The following VCP variants were observed in gnomAD, a reference collection of about 807,000 sequenced individuals.
The protein encoded by VCP is transitional endoplasmic reticulum ATPase.
A neutral mutation model predicts 85.7 loss-of-function variants in VCP; 6 were observed. The observed-to-expected ratio is 0.07, with a 90% CI of 0.04 to 0.14. The LOEUF (loss-of-function observed/expected upper bound fraction) is 0.14, where lower values mean the gene tolerates loss of function less well. Ranked by LOEUF, VCP falls within the 10% of genes least tolerant of loss-of-function variation. The pLI is 1.00. For missense variants in VCP, 353 were observed against 1,043.4 expected, an observed-to-expected ratio of 0.34 and a Z score of 9.12; for synonymous variants, 384 against 367.1, an observed-to-expected ratio of 1.05 and a Z score of -0.53.
At position 35,062,322 on chromosome 9, in the gene VCP, A is replaced by G; in HGVS notation, c.840T>C (p.Gly280=). 2 of 1,614,174 alleles carry G rather than the reference A, an allele frequency of 1.2e-6. No individual in the cohort carries two copies. The highest frequency in any genetic ancestry group is 1.7e-6 in the Non-Finnish European group (2 of 1,180,028). The change falls in exon 8 of 17, where the codon GGT becomes GGC. Residue 280 remains glycine, a synonymous_variant. Coordinates refer to ENST00000358901, the MANE Select transcript of VCP (RefSeq NM_007126.5). ...CTTTACGAAGGTTGCTCTCAGACTC[A>G]CCAGCCAATTTGCTCATGATCTCAG... ...NGPEIMSKLA[G]ESESNLRKAF... is the part of the protein sequence containing the mutation.
In VCP at chr9:35,062,201, T is replaced by G; in HGVS notation, c.945+16A>C. Reference sequence around the variant, plus strand: ...GGCCTTTCAACCCCCCTCTATCCCCTCAGGTAAGCTCCTACTTTCTCTCTT... The same window carrying G: ...GGCCTTTCAACCCCCCTCTATCCCCGCAGGTAAGCTCCTACTTTCTCTCTT... On this transcript the variant is annotated intron_variant, in intron 8 of 16. Coordinates refer to ENST00000358901, the MANE Select transcript of VCP (RefSeq NM_007126.5). 6.2e-7 allele frequency: 1 copy of G among 1,614,086 alleles called. No homozygotes were observed. The highest frequency in any genetic ancestry group is 8.5e-7 in the Non-Finnish European group (1 of 1,180,016).
chr9:35,057,501 C>A lies in VCP; in HGVS notation c.2190G>T (p.Glu730Asp), dbSNP rs373800909. The change falls in exon 16 of 17, where the codon GAG becomes GAT. Residue 730 changes from glutamate (E) to aspartate (D), a missense_variant. Physicochemically the swap from Glu to Asp is conservative, Grantham distance 45. This residue lies in a region of VCP where 93 missense variants were observed against 197.1 expected (regional missense o/e 0.47). Coordinates refer to ENST00000358901, the MANE Select transcript of VCP (RefSeq NM_007126.5). ...MEVEEDDPVP[E>D]IRRDHFEEAM... ...CTTCTTCAAAGTGATCTCGACGGATCTCAGGCACTGGATCATCCTCTTCTA... is the reference window on the plus strand; with the variant it reads ...CTTCTTCAAAGTGATCTCGACGGATATCAGGCACTGGATCATCCTCTTCTA... 6.2e-7 allele frequency: 1 copy of A among 1,612,784 alleles called. No individual in the cohort carries two copies. The highest frequency in any genetic ancestry group is 8.5e-7 in the Non-Finnish European group (1 of 1,180,040).
Position 35,059,863 on chromosome 9 carries a change from TG to T in VCP, c.1696-63del. 2 of 1,608,252 alleles carry T rather than the reference TG, an allele frequency of 1.2e-6. No individual in the cohort carries two copies. Among genetic ancestry groups the T allele is most frequent in the Non-Finnish European group, 8.5e-7 (1 of 1,175,524 alleles). ...ACTAGATGTCTCTAGGCAAACGTGG[TG>T]GCTCACACCTGTATTCCCAGCACTT... On this transcript the variant is annotated intron_variant, in intron 13 of 16. Transcript: ENST00000358901. The surrounding 1 kb of genome is among the most constrained non-coding windows in gnomAD (Gnocchi z 4.9).
intron 10 of VCP, 87 bp downstream of exon 10, chr9:35,061,490 T>C (rs1828719628): frequency 7.7e-7 from 1 of 1,301,590 alleles, no homozygotes; most frequent in East Asian, 2.3e-5. Flanking sequence ...ACCCATCTCC[T>C]CACATCTTAA....
chr9:35,058,830 TG>T (rs1828664208), intron 15 of VCP, among the ~76,000 whole-genome samples: 1 of 152,244 alleles, frequency 6.6e-6, no homozygotes. Flanking sequence ...TCTCATACTT[TG>T]ATTTCCCTCA....
At chr9:35,067,456 A>G (rs1367312157) in intron 3 of VCP, among the ~76,000 whole-genome samples, 1 of 152,090 alleles carries the variant, frequency 6.6e-6, no homozygotes, top group Non-Finnish European at 1.5e-5. Context: ...AGGGGCTTAA[A>G]AGACCTGCTA....
intron 9 of VCP, 94 bp from the exon 10 acceptor site, chr9:35,061,783 A>C: frequency 1.5e-6 from 2 of 1,374,146 alleles, no homozygotes; most frequent in South Asian, 2.3e-5. Context: ...CCAGCACAGG[A>C]TTGTCCTAAT....
intron 6 of VCP, among the ~76,000 whole-genome samples, chr9:35,063,584 C>A (rs930100201): frequency 2.0e-5 from 3 of 152,292 alleles, no homozygotes; most frequent in African/African-American, 7.2e-5. Context: ...GCCTCATCCA[C>A]AAGCAGAACA....
Position 35,057,013 on chromosome 9 carries a change from A to C in VCP, c.*104T>G. ...CTGAACTGTTCAGACTGGAGAATGGAGCAGGCTGTGGGCGCACCCCTGGTC... is the reference window on the plus strand; with the variant it reads ...CTGAACTGTTCAGACTGGAGAATGGCGCAGGCTGTGGGCGCACCCCTGGTC... On this transcript the variant is annotated 3_prime_UTR_variant, in exon 17 of 17. Coordinates refer to ENST00000358901, the MANE Select transcript of VCP (RefSeq NM_007126.5). The C allele has an allele frequency of 1.8e-6, 2 of 1,103,656 alleles. No homozygotes were observed. The highest frequency in any genetic ancestry group is 2.8e-6 in the Non-Finnish European group (2 of 725,150). 68.4% of individuals were successfully genotyped at this position (1,103,656 alleles called of 1,614,324 possible).
upstream of VCP, chr9:35,072,625 TGAGCCGAGAA>T (rs1181685261): frequency 1.5e-5 from 7 of 455,340 alleles, no homozygotes; most frequent in African/African-American, 6.2e-5. Flanking sequence ...TCGCTGAGAC[TGAGCCGAGAA>T]GAGCCGAATC....
At chr9:35,061,894 C>T in intron 9 of VCP, 109 bp downstream of exon 9, 1 of 1,586,462 alleles carries the variant, frequency 6.3e-7, no homozygotes, top group African/African-American at 1.3e-5. Context: ...AGGAAAAAGA[C>T]CCCTGGACCC....
At chr9:35,071,937 G>A (rs1337682798) in intron 1 of VCP, 3 of 1,044,288 alleles carry the variant, frequency 2.9e-6, no homozygotes, top group Non-Finnish European at 3.5e-6. Context: ...TCTCTCCGGG[G>A]ACCAAAGGCT....
At chr9:35,065,223 G>A (rs370818171) in intron 5 of VCP, 28 bp downstream of exon 5, 12 of 1,613,854 alleles carry the variant, frequency 7.4e-6, no homozygotes, top group African/African-American at 1.3e-5. Context: ...TCATAAAATC[G>A]GATACTGGAA....
At chr9:35,067,344 G>T (rs1162302924) in intron 3 of VCP, among the ~76,000 whole-genome samples, 1 of 152,106 alleles carries the variant, frequency 6.6e-6, no homozygotes, top group Non-Finnish European at 1.5e-5. Context: ...CTCCAAGATG[G>T]GGTAACCTCT....
Position 35,061,047 on chromosome 9 carries a change from T to G in VCP, c.1327A>C (p.Asn443His), listed in dbSNP as rs770514866. 3.7e-6 allele frequency: 6 copies of G among 1,614,044 alleles called. No homozygotes were observed. The Admixed American group carries it at 5.0e-5, about 13-fold the overall frequency. ...EDETIDAEVM[N>H]SLAVTMDDFR... is the part of the protein sequence containing the mutation. ...TCATCCATAGTAACTGCTAGAGAGT[T>G]CATGACCTCGGCATCAATGGTCTCA... The change falls in exon 11 of 17, where the codon AAC becomes CAC. Residue 443 changes from asparagine to histidine, a missense_variant. Physicochemically the swap from Asn to His is moderately conservative, Grantham distance 68. Coordinates refer to ENST00000358901, the MANE Select transcript of VCP (RefSeq NM_007126.5).
intron 4 of VCP, 37 bp from the exon 5 acceptor site, chr9:35,065,418 T>C: frequency 1.9e-6 from 3 of 1,613,476 alleles, no homozygotes; most frequent in Non-Finnish European, 2.5e-6. Context: ...GTTAGAGGTG[T>C]CAACTACAAG....
chr9:35,071,894 GC>G (rs1172853324), intron 1 of VCP: 4 of 999,390 alleles, frequency 4.0e-6, no homozygotes, highest in African/African-American at 1.7e-5. Flanking sequence ...CGCCCACCGG[GC>G]CCGGCTGGGG....
chr9:35,061,158 G>A lies in VCP; in HGVS notation c.1216C>T (p.His406Tyr). 1 of 1,613,602 alleles carries A rather than the reference G, an allele frequency of 6.2e-7. No individual in the cohort carries two copies. ...AGGGCTGCTAAGTCAGCACCCACATGCCCGTGAGTCTCATTGGCTACCTGC... is the reference window on the plus strand; with the variant it reads ...AGGGCTGCTAAGTCAGCACCCACATACCCGTGAGTCTCATTGGCTACCTGC... ...LEQVANETHG[H>Y]VGADLAALCS... The change falls in exon 11 of 17, where the codon CAT (histidine) becomes TAT (tyrosine). Residue 406 changes from histidine to tyrosine, a missense_variant. Transcript: ENST00000358901.
At chr9:35,069,959 T>C (rs1828907564) in intron 1 of VCP, among the ~76,000 whole-genome samples, 1 of 152,150 alleles carries the variant, frequency 6.6e-6, no homozygotes, top group African/African-American at 2.4e-5. Context: ...CAAGACAAAA[T>C]AGTATTCCCA....
Sources: allele counts gnomAD v4.1 joint callset (sites outside exome capture counted in the v4.1 genomes callset), GRCh38; gene constraint gnomAD v4.1.1; regional missense constraint gnomAD v4.1.1; non-coding constraint Gnocchi (gnomAD v3.1); transcripts MANE v1.5; gene names NCBI Gene and HGNC (gene_info 2026-07-23, HGNC 2026-07-21).